SH3BGRL2: variants seen among roughly 807,000 people sequenced by gnomAD.
SH3BGRL2 encodes the protein SH3 domain binding glutamate rich protein like 2, also known as SH3 domain-binding glutamic acid-rich-like protein 2.
SH3BGRL2 carries 21 observed loss-of-function variants against 14.8 expected under a neutral mutation model. That is an observed-to-expected ratio of 1.42 (90% CI 1.01 to 2.05). The LOEUF (loss-of-function observed/expected upper bound fraction) is 2.05, where lower values mean the gene tolerates loss of function less well. SH3BGRL2 is among the 30% of genes most tolerant of loss of function. SH3BGRL2 has a pLI of 0.00. For missense variants in SH3BGRL2, 147 were observed against 130.8 expected, an observed-to-expected ratio of 1.12 and a Z score of -0.61; for synonymous variants, 50 against 47.8, an observed-to-expected ratio of 1.05 and a Z score of -0.19.
the SH3BGRL2 span, among the ~76,000 whole-genome samples, chr6:79,557,176 A>G: frequency 6.6e-6 from 1 of 151,880 alleles, no homozygotes; most frequent in African/African-American, 2.4e-5. Context: ...TATTATATAG[A>G]TTTCAACAAA....
the SH3BGRL2 span, among the ~76,000 whole-genome samples, chr6:79,586,995 TG>T: frequency 1.3e-5 from 2 of 152,328 alleles, no homozygotes; most frequent in Admixed American, 1.3e-4. Context: ...GACTCAGTTC[TG>T]GGGGGTAATC....
At chr6:79,688,060 TA>T (rs1457551748) in intron 2 of SH3BGRL2, among the ~76,000 whole-genome samples, 1 of 152,182 alleles carries the variant, frequency 6.6e-6, no homozygotes. Context: ...AGTGCACAGA[TA>T]ATGTCCTTAA....
At chr6:79,597,184 C>T in the SH3BGRL2 span, among the ~76,000 whole-genome samples, 353 of 150,074 alleles carry the variant, frequency 2.4e-3, 1 homozygote, top group African/African-American at 6.1e-3. Flanking sequence ...GAGCCAAGAT[C>T]GCACCACTGC....
At chr6:79,668,534 G>C (rs1360830247) in intron 1 of SH3BGRL2, among the ~76,000 whole-genome samples, 2 of 152,064 alleles carry the variant, frequency 1.3e-5, no homozygotes, top group Non-Finnish European at 2.9e-5. Flanking sequence ...TATCCATTCA[G>C]TGGCCAACAA....
intron 3 of SH3BGRL2, among the ~76,000 whole-genome samples, chr6:79,697,410 A>G (rs2127740163): frequency 6.6e-6 from 1 of 152,282 alleles, no homozygotes; most frequent in East Asian, 1.9e-4. Flanking sequence ...TAATATGTCT[A>G]TTTTTAACAC....
At chr6:79,559,673 T>TA in the SH3BGRL2 span, among the ~76,000 whole-genome samples, 1 of 152,196 alleles carries the variant, frequency 6.6e-6, no homozygotes, top group Admixed American at 6.5e-5. Flanking sequence ...GTAAAGGCGT[T>TA]ACATCAATGA....
At chr6:79,544,884 A>G in the SH3BGRL2 span, among the ~76,000 whole-genome samples, 1 of 152,210 alleles carries the variant, frequency 6.6e-6, no homozygotes, top group Non-Finnish European at 1.5e-5. Context: ...AATGTCTAAA[A>G]CATTACTTTT....
the SH3BGRL2 span, among the ~76,000 whole-genome samples, chr6:79,554,269 GC>G: frequency 6.6e-6 from 1 of 152,168 alleles, no homozygotes; most frequent in South Asian, 2.1e-4. Flanking sequence ...GTTATCTAAT[GC>G]GTTTAAAAAA....
At chr6:79,555,497 A>G in the SH3BGRL2 span, among the ~76,000 whole-genome samples, 2 of 152,158 alleles carry the variant, frequency 1.3e-5, no homozygotes, top group Non-Finnish European at 2.9e-5. Flanking sequence ...ATAAACTTGG[A>G]CGCATAAACT....
At chr6:79,610,273 C>T in the SH3BGRL2 span, among the ~76,000 whole-genome samples, 1 of 152,176 alleles carries the variant, frequency 6.6e-6, no homozygotes, top group Non-Finnish European at 1.5e-5. Context: ...TCATTGAGCT[C>T]ACTTTTCTCA....
At chr6:79,672,082 T>C (rs1218482925) in intron 1 of SH3BGRL2, among the ~76,000 whole-genome samples, 1 of 152,174 alleles carries the variant, frequency 6.6e-6, no homozygotes, top group Non-Finnish European at 1.5e-5. Context: ...ATGCTTTGAG[T>C]TCTGCTTCAT....
At chr6:79,642,917 TG>T (rs1769059952) in intron 1 of SH3BGRL2, among the ~76,000 whole-genome samples, 1 of 152,098 alleles carries the variant, frequency 6.6e-6, no homozygotes. Context: ...AAACATAAGT[TG>T]GGCTGGCAGA....
At chr6:79,552,967 G>A in the SH3BGRL2 span, 1 of 152,068 alleles carries the variant, frequency 6.6e-6, no homozygotes, top group African/African-American at 2.4e-5. Context: ...TATGTCCTAG[G>A]GTTTGGAACC....
At chr6:79,563,206 T>C in the SH3BGRL2 span, among the ~76,000 whole-genome samples, 1 of 151,760 alleles carries the variant, frequency 6.6e-6, no homozygotes, top group East Asian at 1.9e-4. Context: ...CTTGATCTCC[T>C]GACCTCATGA....
At position 79,643,894 on chromosome 6, in the gene SH3BGRL2, G is replaced by A. The variant is rs115660332; in HGVS notation, c.45+12388G>A. On this transcript the variant is annotated intron_variant, in intron 1 of 3. Coordinates refer to ENST00000369838, the MANE Select transcript of SH3BGRL2 (RefSeq NM_031469.4). ...TGAAACTAAATGTATGATTTCCTTC[G>A]AATGTGATTCTCTTGCTGTGTGTGA... 1.0e-2 allele frequency among the ~76,000 whole-genome samples: 1,522 copies of A among 152,286 alleles called. 23 individuals are homozygous for A. The highest frequency in any genetic ancestry group is 0.035 in the African/African-American group (1,470 of 41,546).
the SH3BGRL2 span, among the ~76,000 whole-genome samples, chr6:79,596,136 C>G: frequency 4.6e-5 from 7 of 152,090 alleles, no homozygotes; most frequent in African/African-American, 9.7e-5. Flanking sequence ...AAAATTTATA[C>G]TCTGATATTA....
Position 79,648,255 on chromosome 6 carries a change from C to CATATATATATATATATATAT in SH3BGRL2, c.45+16758_45+16777dup, listed in dbSNP as rs60702112. 2.5e-3 allele frequency among the ~76,000 whole-genome samples: 158 copies of CATATATATATATATATATAT among 62,420 alleles called. 2 individuals are homozygous for CATATATATATATATATATAT. The highest frequency in any genetic ancestry group is 5.7e-3 in the East Asian group (8 of 1,412). 40.9% of individuals were successfully genotyped at this position (62,420 alleles called of 152,430 possible). A position where few individuals can be genotyped will look rare whatever the true frequency, so the allele number is the denominator to read the frequency against. The stretch of plus-strand genomic sequence containing the variant: ...ACATTTTCTCTCTCTATTCTTTTGG[C>CATATATATATATATATATAT]ATATATATATATATATATATATATA... On this transcript the variant is annotated intron_variant, in intron 1 of 3. Transcript: ENST00000369838.
chr6:79,699,460 T>A (rs1291933194), intron 3 of SH3BGRL2, 38 bp from the exon 4 acceptor site: 1 of 1,471,128 alleles, frequency 6.8e-7, no homozygotes. Context: ...ATGCAATAAC[T>A]GACTTTTTTT....
intron 3 of SH3BGRL2, among the ~76,000 whole-genome samples, chr6:79,697,779 A>G (rs1265064284): frequency 2.0e-5 from 3 of 152,216 alleles, no homozygotes; most frequent in Non-Finnish European, 4.4e-5. Flanking sequence ...CAGAGATATT[A>G]AAAGTCCAGA....
Sources: allele counts gnomAD v4.1 joint callset (sites outside exome capture counted in the v4.1 genomes callset), GRCh38; gene constraint gnomAD v4.1.1; transcripts MANE v1.5; gene names NCBI Gene and HGNC (gene_info 2026-07-23, HGNC 2026-07-21).